Variants in EGFR observed in about 807,000 individuals in gnomAD.
The protein encoded by EGFR is epidermal growth factor receptor.
A neutral mutation model predicts 143.0 loss-of-function variants in EGFR; 58 were observed. The observed-to-expected ratio is 0.41, with a 90% CI of 0.33 to 0.50. The LOEUF is 0.50. Ranked by LOEUF, EGFR falls within the 20% of genes least tolerant of loss-of-function variation. The pLI is 0.39. For missense variants in EGFR, 1,307 were observed against 1,579.0 expected (o/e 0.83, Z 2.92); for synonymous variants, 613 against 594.4 (o/e 1.03, Z -0.45).
At chr7:55,038,212 C>T (rs867092469) in intron 1 of EGFR, among the ~76,000 whole-genome samples, 1 of 152,198 alleles carries the variant, frequency 6.6e-6, no homozygotes, top group Non-Finnish European at 1.5e-5. Context: ...CGTTCACATG[C>T]TTCATGCCGA....
chr7:55,112,391 C>T (rs777027737), intron 1 of EGFR, among the ~76,000 whole-genome samples: 2 of 152,216 alleles, frequency 1.3e-5, no homozygotes, highest in African/African-American at 2.4e-5. Flanking sequence ...GGCAGCTGCC[C>T]GGGGTGGCAC....
chr7:55,074,293 T>C (rs1790011672), intron 1 of EGFR, among the ~76,000 whole-genome samples: 1 of 152,234 alleles, frequency 6.6e-6, no homozygotes, highest in East Asian at 1.9e-4. Context: ...GGACCACATG[T>C]TCACTCTGAG....
chr7:55,173,139 T>C lies in EGFR; in HGVS notation c.2061+15T>C, dbSNP rs1786434477. Reference sequence around the variant, plus strand: ...AGGAGAGGGAGGTGAGTGCCAGTCCTGGGTGGGCTCAGGAGCCCTCGCACC... The same window carrying C: ...AGGAGAGGGAGGTGAGTGCCAGTCCCGGGTGGGCTCAGGAGCCCTCGCACC... On this transcript the variant is annotated intron_variant, in intron 17 of 27. Coordinates refer to ENST00000275493, the MANE Select transcript of EGFR (RefSeq NM_005228.5). 1.9e-6 allele frequency: 3 copies of C among 1,607,990 alleles called. No individual in the cohort carries two copies. The highest frequency in any genetic ancestry group is 2.5e-6 in the Non-Finnish European group (3 of 1,179,792).
In EGFR at chr7:55,112,622, G is replaced by A. The variant is rs553572039; in HGVS notation, c.89-29664G>A. On this transcript the variant is annotated intron_variant, in intron 1 of 27. Transcript: ENST00000275493. The stretch of plus-strand genomic sequence containing the variant: ...TGGCCGAGCCTCAGCAGCCTCCTGT[G>A]AAGCGAGGAAGGGTCTTCCTGCCGG... 2.0e-5 allele frequency among the ~76,000 whole-genome samples: 3 copies of A among 152,342 alleles called. No homozygotes were observed. The East Asian group carries it at 5.8e-4, about 29-fold the overall frequency.
intron 27 of EGFR, 111 bp downstream of exon 27, chr7:55,202,736 G>A: frequency 1.0e-6 from 1 of 967,794 alleles, no homozygotes; most frequent in Non-Finnish European, 1.6e-6. Flanking sequence ...TCCAGAGGGG[G>A]AAACAGTGGC....
intron 4 of EGFR, 49 bp from the exon 5 acceptor site, chr7:55,151,245 G>T: frequency 6.3e-7 from 1 of 1,583,406 alleles, no homozygotes; most frequent in Non-Finnish European, 8.7e-7. Flanking sequence ...GGCGTCATCA[G>T]TTTCTCATCA....
chr7:55,113,235 G>C (rs975490806), intron 1 of EGFR, among the ~76,000 whole-genome samples: 4 of 152,158 alleles, frequency 2.6e-5, no homozygotes, highest in African/African-American at 9.7e-5. Flanking sequence ...TTCTAGTAAT[G>C]ACCCAACACT....
chr7:55,033,592 C>G (rs6957176), intron 1 of EGFR, among the ~76,000 whole-genome samples: 22,220 of 152,158 alleles, frequency 0.15, 1,727 homozygotes, highest in Admixed American at 0.18. Flanking sequence ...TGCACGACAG[C>G]CTTCCAACTA....
At chr7:55,089,771 G>A (rs759856973) in intron 1 of EGFR, among the ~76,000 whole-genome samples, 54 of 151,990 alleles carry the variant, frequency 3.6e-4, no homozygotes, top group Non-Finnish European at 6.0e-4. Flanking sequence ...TCCCTAACCT[G>A]CCGGAGCCCA....
chr7:55,160,093 GT>G (rs1269574236), intron 11 of EGFR, 45 bp from the exon 12 acceptor site: 1 of 1,606,606 alleles, frequency 6.2e-7, no homozygotes. Flanking sequence ...GGGATACATT[GT>G]TTTTATAATT....
chr7:55,141,843 A>T (rs1794476923), intron 1 of EGFR, among the ~76,000 whole-genome samples: 1 of 152,208 alleles, frequency 6.6e-6, no homozygotes, highest in Non-Finnish European at 1.5e-5. Context: ...CTACAGTTAT[A>T]TTCGTGAAAT....
At chr7:55,088,908 C>T (rs566779255) in intron 1 of EGFR, among the ~76,000 whole-genome samples, 2 of 152,278 alleles carry the variant, frequency 1.3e-5, no homozygotes, top group East Asian at 1.9e-4. Context: ...CTGTATTTTA[C>T]GTACATCATG....
chr7:55,133,735 G>A (rs188412440), intron 1 of EGFR, among the ~76,000 whole-genome samples: 5 of 152,286 alleles, frequency 3.3e-5, no homozygotes, highest in South Asian at 2.1e-4. Flanking sequence ...GGCTCCTGCC[G>A]CCCTGGCTCT....
At chr7:55,165,254 G>A (rs1188041249) in intron 14 of EGFR, 26 bp from the exon 15 acceptor site, 1 of 1,613,742 alleles carries the variant, frequency 6.2e-7, no homozygotes, top group Non-Finnish European at 8.5e-7. Flanking sequence ...AGACATGCAT[G>A]AACATTTTTC....
At chr7:55,181,210 C>A in intron 19 of EGFR, 83 bp from the exon 20 acceptor site, 2 of 1,495,480 alleles carry the variant, frequency 1.3e-6, no homozygotes, top group South Asian at 1.1e-5. Context: ...CGCATTCATG[C>A]GTCTTCACCT....
intron 1 of EGFR, among the ~76,000 whole-genome samples, chr7:55,059,748 A>G (rs1356097194): frequency 1.3e-5 from 2 of 152,252 alleles, no homozygotes; most frequent in Non-Finnish European, 2.9e-5. Flanking sequence ...AGTCTATAGT[A>G]GACTTCTGTA....
chr7:55,106,242 C>T (rs1055054087), intron 1 of EGFR, among the ~76,000 whole-genome samples: 1 of 152,222 alleles, frequency 6.6e-6, no homozygotes, highest in South Asian at 2.1e-4. Flanking sequence ...GTCAGGTACG[C>T]ACACGCTCAC....
At chr7:55,160,455 C>A in intron 12 of EGFR, 117 bp downstream of exon 12, 2 of 1,107,826 alleles carry the variant, frequency 1.8e-6, no homozygotes, top group Non-Finnish European at 2.6e-6. Context: ...CCTTAAGAAG[C>A]AAATTAAAAT....
chr7:55,135,891 TA>T (rs918102811), intron 1 of EGFR, among the ~76,000 whole-genome samples: 1 of 151,334 alleles, frequency 6.6e-6, no homozygotes, highest in Non-Finnish European at 1.5e-5. Flanking sequence ...CTGATTTTTG[TA>T]AATTTTTTAC....
Sources: allele counts gnomAD v4.1 joint callset (sites outside exome capture counted in the v4.1 genomes callset), GRCh38; gene constraint gnomAD v4.1.1; transcripts MANE v1.5; gene names NCBI Gene and HGNC (gene_info 2026-07-23, HGNC 2026-07-21).